SPICE1: variants seen among roughly 807,000 people sequenced by gnomAD.
The protein encoded by SPICE1 is spindle and centriole-associated protein 1.
A neutral mutation model predicts 102.7 loss-of-function variants in SPICE1; 75 were observed. That is an observed-to-expected ratio of 0.73 (90% CI 0.61 to 0.88). The LOEUF is 0.88. Ranked by LOEUF, SPICE1 falls within the 40% of genes least tolerant of loss-of-function variation. SPICE1 has a pLI of 0.00. For missense variants in SPICE1, 979 were observed against 1,020.1 expected (o/e 0.96, Z 0.55); for synonymous variants, 308 against 350.3 (o/e 0.88, Z 1.35).
At chr3:113,467,679 G>A (rs1308765778) in intron 10 of SPICE1, among the ~76,000 whole-genome samples, 2 of 152,198 alleles carry the variant, frequency 1.3e-5, no homozygotes, top group Admixed American at 6.5e-5. Flanking sequence ...GAAGCCATAT[G>A]TGAGTTACCA....
intron 4 of SPICE1, 122 bp downstream of exon 4, chr3:113,499,317 G>A (rs534010045): frequency 1.0e-4 from 110 of 1,105,394 alleles, no homozygotes; most frequent in Non-Finnish European, 1.2e-4. Context: ...TCCACATGTA[G>A]ATTATTGAAT....
chr3:113,449,951 T>G lies in SPICE1; in HGVS notation c.2323+385A>C, dbSNP rs184098298. Reference sequence around the variant, plus strand: ...CAAAAAATTTAATTGAGTGAAAATGTTTTAAGTGTTTTACAGAATAATAAC... The same window carrying G: ...CAAAAAATTTAATTGAGTGAAAATGGTTTAAGTGTTTTACAGAATAATAAC... On this transcript the variant is annotated intron_variant, in intron 15 of 17. Transcript: ENST00000295872. 4.5e-3 allele frequency: 745 copies of G among 165,750 alleles called. 10 individuals carry two copies. The highest frequency in any genetic ancestry group is 3.3e-3 in the Non-Finnish European group (251 of 76,344). 10.3% of individuals were successfully genotyped at this position (165,750 alleles called of 1,614,324 possible).
At position 113,488,863 on chromosome 3, in the gene SPICE1, A is replaced by G. The variant is rs1576641647; in HGVS notation, c.611+82T>C. On this transcript the variant is annotated intron_variant, in intron 7 of 17. Transcript: ENST00000295872. Reference sequence around the variant, plus strand: ...AAATAAAAATAAACTCCCATTTAATAAAAAATGATGCAATAGGCAAACATT... The same window carrying G: ...AAATAAAAATAAACTCCCATTTAATGAAAAATGATGCAATAGGCAAACATT... 8 of 767,836 alleles carry G rather than the reference A, an allele frequency of 1.0e-5. No homozygotes were observed. In the South Asian group the frequency reaches 1.5e-4, roughly 14 times the overall value. 47.6% of individuals were successfully genotyped at this position (767,836 alleles called of 1,614,324 possible).
intron 7 of SPICE1, among the ~76,000 whole-genome samples, chr3:113,477,001 T>C (rs1442825446): frequency 6.6e-6 from 1 of 152,040 alleles, no homozygotes; most frequent in Non-Finnish European, 1.5e-5. Flanking sequence ...ACAGGCAACC[T>C]ACAAAATGGG....
intron 13 of SPICE1, among the ~76,000 whole-genome samples, chr3:113,454,955 T>C (rs1935746973): frequency 6.6e-6 from 1 of 152,186 alleles, no homozygotes; most frequent in South Asian, 2.1e-4. Context: ...GCCCAACATC[T>C]GCCTATCCAA....
At chr3:113,450,680 C>T (rs569990537) in intron 14 of SPICE1, among the ~76,000 whole-genome samples, 164 bp from the exon 15 acceptor site, 1 of 151,910 alleles carries the variant, frequency 6.6e-6, no homozygotes, top group African/African-American at 2.4e-5. Context: ...GGGTTCACGC[C>T]ATTCTCCTGC....
At chr3:113,478,934 G>C (rs923999812) in intron 7 of SPICE1, among the ~76,000 whole-genome samples, 3 of 151,798 alleles carry the variant, frequency 2.0e-5, no homozygotes, top group Non-Finnish European at 4.4e-5. Context: ...AAACAAAGAG[G>C]CTCTGGAAAT....
At chr3:113,473,402 C>A (rs1171464055) in intron 7 of SPICE1, among the ~76,000 whole-genome samples, 4 of 152,134 alleles carry the variant, frequency 2.6e-5, no homozygotes, top group Non-Finnish European at 5.9e-5. Flanking sequence ...TCTAGCAAGG[C>A]AGGCCAACAT....
At chr3:113,450,088 G>A (rs147552671) in intron 15 of SPICE1, 7 of 509,248 alleles carry the variant, frequency 1.4e-5, no homozygotes, top group East Asian at 6.7e-5. Context: ...TTAGATGTAC[G>A]ATAATTTAGG....
chr3:113,506,980 G>A (rs1260609729), intron 1 of SPICE1, among the ~76,000 whole-genome samples: 1 of 152,112 alleles, frequency 6.6e-6, no homozygotes, highest in Non-Finnish European at 1.5e-5. Flanking sequence ...ATGAATGTAA[G>A]GTGAAGGGAA....
chr3:113,453,398 A>G, intron 14 of SPICE1, 68 bp downstream of exon 14: 1 of 1,516,540 alleles, frequency 6.6e-7, no homozygotes, highest in Non-Finnish European at 8.8e-7. Flanking sequence ...AAGTTTCTTA[A>G]GTTGCCCAAG....
In SPICE1 at chr3:113,461,316, T is replaced by C. The variant is rs534405925; in HGVS notation, c.1288-552A>G. 1.0e-3 allele frequency among the ~76,000 whole-genome samples: 158 copies of C among 151,730 alleles called. 1 individual carries two copies. Among genetic ancestry groups the C allele is most frequent in the African/African-American group, 3.7e-3 (153 of 41,484 alleles). The stretch of plus-strand genomic sequence containing the variant: ...ATAGATATTCTCATCTTTGTCTATA[T>C]GTGTGTGTGTATATATATATATTTT... On this transcript the variant is annotated intron_variant, in intron 11 of 17. Coordinates refer to ENST00000295872, the MANE Select transcript of SPICE1 (RefSeq NM_144718.4).
intron 7 of SPICE1, among the ~76,000 whole-genome samples, chr3:113,481,976 G>A (rs1436625729): frequency 6.6e-6 from 1 of 152,170 alleles, no homozygotes; most frequent in Non-Finnish European, 1.5e-5. Context: ...CTAGATCCTT[G>A]AGGAATCGCC....
chr3:113,507,491 T>TA (rs200097887), intron 1 of SPICE1, among the ~76,000 whole-genome samples: 1,721 of 151,696 alleles, frequency 0.011, 26 homozygotes, highest in Middle Eastern at 0.017. Context: ...TACTTTTTTT[T>TA]AAAAAAAAAT....
chr3:113,481,480 T>C (rs1005221418), intron 7 of SPICE1, among the ~76,000 whole-genome samples: 1 of 151,984 alleles, frequency 6.6e-6, no homozygotes, highest in Non-Finnish European at 1.5e-5. Flanking sequence ...TTTTGTTACA[T>C]AGGTATACAC....
Position 113,478,238 on chromosome 3 carries a change from C to A in SPICE1, c.612-9000G>T, listed in dbSNP as rs537059726. On this transcript the variant is annotated intron_variant, in intron 7 of 17. Transcript: ENST00000295872. The stretch of plus-strand genomic sequence containing the variant: ...ATCAGTAAGTGTTATAAGCTTACTT[C>A]AATTAAAAGAAGAATATTTCCAAAT... Among the ~76,000 whole-genome samples, 70 of 152,086 alleles carry A rather than the reference C, an allele frequency of 4.6e-4. 1 individual carries two copies. The highest frequency in any genetic ancestry group is 1.7e-3 in the African/African-American group (69 of 41,516).
Position 113,457,363 on chromosome 3 carries a change from G to C in SPICE1, c.1436-6C>G. 2 of 1,613,706 alleles carry C rather than the reference G, an allele frequency of 1.2e-6. No individual in the cohort carries two copies. Among genetic ancestry groups the C allele is most frequent in the Non-Finnish European group, 1.7e-6 (2 of 1,179,810 alleles). On this transcript the variant is annotated splice_polypyrimidine_tract_variant and splice_region_variant and intron_variant, in intron 12 of 17. Transcript: ENST00000295872. ...GGCATTTACAACTGGACGCTCTGAA[G>C]AAGATGAGAGGATATTAGTACAATA...
intron 13 of SPICE1, among the ~76,000 whole-genome samples, chr3:113,455,504 C>T (rs1935759867): frequency 6.6e-6 from 1 of 152,178 alleles, no homozygotes; most frequent in South Asian, 2.1e-4. Flanking sequence ...TGCTCACTAG[C>T]CCCATGCAGC....
chr3:113,459,754 C>T (rs62265992), intron 12 of SPICE1: 133,434 of 710,314 alleles, frequency 0.19, 13,919 homozygotes, highest in East Asian at 0.41. Context: ...TGGTGGCAGG[C>T]GCCTATAATC....
Sources: allele counts gnomAD v4.1 joint callset (sites outside exome capture counted in the v4.1 genomes callset), GRCh38; gene constraint gnomAD v4.1.1; transcripts MANE v1.5; gene names NCBI Gene and HGNC (gene_info 2026-07-23, HGNC 2026-07-21).